The following TJP1 variants were observed in gnomAD, a reference collection of about 807,000 sequenced individuals.
The protein encoded by TJP1 is tight junction protein ZO-1.
TJP1 carries 43 observed loss-of-function variants against 194.2 expected under a neutral mutation model. The observed-to-expected ratio is 0.22, with a 90% CI of 0.17 to 0.29. TJP1 has a LOEUF of 0.29. Ranked by LOEUF, TJP1 falls within the 10% of genes least tolerant of loss-of-function variation. The pLI, the probability that TJP1 is intolerant of heterozygous loss-of-function variation, is 1.00. For synonymous variants in TJP1, 801 were observed against 779.0 expected (o/e 1.03, Z -0.47); for missense variants, 1,971 against 2,185.7 (o/e 0.90, Z 1.96).
At chr15:29,798,096 C>G (rs2048533197) in intron 2 of TJP1, among the ~76,000 whole-genome samples, 1 of 152,018 alleles carries the variant, frequency 6.6e-6, no homozygotes, top group Non-Finnish European at 1.5e-5. Flanking sequence ...GCCTCAGCCT[C>G]CAAGTAGCTG....
chr15:29,718,597 C>A lies in TJP1; in HGVS notation c.3545G>T (p.Gly1182Val). ...RPEAQPHPSA[G>V]PKPAESKQYF... ...CTGCTTGGACTCTGCAGGCTTGGGC[C>A]CTGCTGAAGGGTGGGGCTGGGCTTC... The change falls in exon 21 of 28, where the codon GGG becomes GTG. Residue 1182 changes from glycine (G) to valine (V), a missense_variant. Gly to Val is a moderately radical substitution (Grantham distance 109). Transcript: ENST00000614355. 6.2e-7 allele frequency: 1 copy of A among 1,614,100 alleles called. No homozygotes were observed. The highest frequency in any genetic ancestry group is 8.5e-7 in the Non-Finnish European group (1 of 1,180,028).
At chr15:29,749,742 G>GA (rs371997666) in intron 8 of TJP1, among the ~76,000 whole-genome samples, 50 of 152,308 alleles carry the variant, frequency 3.3e-4, no homozygotes, top group African/African-American at 1.1e-3. Context: ...CCCTTTCCAA[G>GA]AAGGCCAGAT....
intron 2 of TJP1, among the ~76,000 whole-genome samples, chr15:29,955,004 C>T (rs1437740142): frequency 6.6e-6 from 1 of 151,934 alleles, no homozygotes; most frequent in Non-Finnish European, 1.5e-5. Flanking sequence ...TGCTTGAACC[C>T]GGGAAGCAGA....
chr15:29,906,404 C>T (rs552904614), intron 2 of TJP1, among the ~76,000 whole-genome samples: 31 of 150,830 alleles, frequency 2.1e-4, no homozygotes, highest in African/African-American at 6.6e-4. Flanking sequence ...ACCCAGGAAG[C>T]GGAGGTTGAG....
At position 29,704,185 on chromosome 15, in the gene TJP1, A is replaced by G. The variant is rs2041742278; in HGVS notation, c.5189T>C (p.Leu1730Pro). The change falls in exon 27 of 28, where the codon CTA becomes CCA. Residue 1730 changes from leucine (L) to proline (P), a missense_variant. Leu to Pro is a moderately conservative substitution (Grantham distance 98). Coordinates refer to ENST00000614355, the MANE Select transcript of TJP1 (RefSeq NM_001330239.4). ...SMTPDGWSFA[L>P]KSSDSSSGDP... ...ACCCGACGAGGAGTCGGATGATTTT[A>G]GAGCAAAAGACCAACCGTCAGGAGT... The G allele has an allele frequency of 6.4e-7, 1 of 1,568,876 alleles. No individual in the cohort carries two copies. Among genetic ancestry groups the G allele is most frequent in the Non-Finnish European group, 8.7e-7 (1 of 1,155,740 alleles).
chr15:29,893,982 T>C (rs1567172958), intron 2 of TJP1, among the ~76,000 whole-genome samples: 1 of 152,208 alleles, frequency 6.6e-6, no homozygotes, highest in Non-Finnish European at 1.5e-5. Flanking sequence ...GATCAGATAC[T>C]AGGAAGCAAC....
Position 29,842,392 on chromosome 15 carries a change from C to T in TJP1, c.307-41690G>A, listed in dbSNP as rs533062644. Among the ~76,000 whole-genome samples, 7 of 152,112 alleles carry T rather than the reference C, an allele frequency of 4.6e-5. No homozygotes were observed. In the East Asian group the frequency reaches 7.8e-4, roughly 17 times the overall value. ...GAATAATTAATTGAGTCTGCCAGAT[C>T]GTGTCCCAACAGCTCAGGGTGCAAG... On this transcript the variant is annotated intron_variant, in intron 2 of 28. Coordinates refer to the TJP1 transcript ENST00000356107.
At position 29,718,315 on chromosome 15, in the gene TJP1, G is replaced by C; in HGVS notation, c.3827C>G (p.Ser1276Cys). ...ATCCTTCTTGGTCTCTAAGGATGCA[G>C]ATCTTTTGTTTTCAAACATCTTAAC... ...TRVKMFENKR[S>C]ASLETKKDVN... The change falls in exon 21 of 28, where the codon TCT (serine) becomes TGT (cysteine). Residue 1276 changes from serine to cysteine, a missense_variant. Transcript: ENST00000614355. The C allele has an allele frequency of 6.2e-7, 1 of 1,614,070 alleles. No homozygotes were observed. Among genetic ancestry groups the C allele is most frequent in the South Asian group, 1.1e-5 (1 of 91,062 alleles).
intron 1 of TJP1, among the ~76,000 whole-genome samples, chr15:29,962,816 T>C (rs2056205348): frequency 6.6e-6 from 1 of 152,216 alleles, no homozygotes; most frequent in Non-Finnish European, 1.5e-5. Context: ...GAAAAAATAA[T>C]GTGCACAACT....
chr15:29,920,548 C>G (rs1190282316), intron 2 of TJP1, among the ~76,000 whole-genome samples: 1 of 152,230 alleles, frequency 6.6e-6, no homozygotes, highest in Non-Finnish European at 1.5e-5. Context: ...CCAGAATATG[C>G]CGCCTCAGCC....
intron 2 of TJP1, among the ~76,000 whole-genome samples, chr15:29,923,593 A>C (rs2054433804): frequency 1.3e-5 from 2 of 152,232 alleles, no homozygotes; most frequent in South Asian, 4.1e-4. Flanking sequence ...TTTACATGGA[A>C]TATCCCAAAT....
At chr15:29,743,432 TA>T (rs771341303) in intron 8 of TJP1, among the ~76,000 whole-genome samples, 2 of 152,084 alleles carry the variant, frequency 1.3e-5, no homozygotes, top group African/African-American at 2.4e-5. Flanking sequence ...ATTTGGTACT[TA>T]AAAAAAGAAA....
At chr15:29,798,500 C>T (rs2048563511) in intron 2 of TJP1, among the ~76,000 whole-genome samples, 1 of 152,030 alleles carries the variant, frequency 6.6e-6, no homozygotes, top group African/African-American at 2.4e-5. Flanking sequence ...TTGAATTTTG[C>T]ATTTTAGATT....
chr15:29,904,795 T>C (rs2053753350), intron 2 of TJP1, among the ~76,000 whole-genome samples: 1 of 152,194 alleles, frequency 6.6e-6, no homozygotes, highest in African/African-American at 2.4e-5. Context: ...CAGATGGGAT[T>C]ACAGTAGACC....
rs1287648761 is a variant in TJP1, at chr15:29,718,938, G to A, written c.3204C>T (p.Asp1068=). The change falls in exon 21 of 28, where the codon GAC becomes GAT. Residue 1068 remains aspartate (D), a synonymous_variant. Coordinates refer to ENST00000614355, the MANE Select transcript of TJP1 (RefSeq NM_001330239.4). ...GATGTTCATAGTTTCGAGAAAACTGGTCCGTATAGCTTGAGGACTCGTATC... is the reference window on the plus strand; with the variant it reads ...GATGTTCATAGTTTCGAGAAAACTGATCCGTATAGCTTGAGGACTCGTATC... ...TYRYESSSYT[D]QFSRNYEHRL... 2 of 1,614,052 alleles carry A rather than the reference G, an allele frequency of 1.2e-6. No individual in the cohort carries two copies. Among genetic ancestry groups the A allele is most frequent in the Admixed American group, 1.7e-5 (1 of 60,000 alleles).
intron 2 of TJP1, among the ~76,000 whole-genome samples, chr15:29,905,319 G>A (rs1176328678): frequency 6.6e-6 from 1 of 152,094 alleles, no homozygotes; most frequent in African/African-American, 2.4e-5. Context: ...AGAAACATGT[G>A]CAAAGATTTT....
chr15:29,858,930 G>T (rs1365641938), intron 2 of TJP1, among the ~76,000 whole-genome samples: 1 of 151,764 alleles, frequency 6.6e-6, no homozygotes, highest in Non-Finnish European at 1.5e-5. Flanking sequence ...TGGGCTCAAG[G>T]CATCCTCCAG....
intron 2 of TJP1, among the ~76,000 whole-genome samples, chr15:29,862,124 C>T (rs2052103803): frequency 6.6e-6 from 1 of 152,070 alleles, no homozygotes; most frequent in Non-Finnish European, 1.5e-5. Flanking sequence ...GAATCCTAGT[C>T]CAACATCTTC....
At chr15:29,940,831 G>GC (rs1251258486) in intron 2 of TJP1, among the ~76,000 whole-genome samples, 4 of 152,012 alleles carry the variant, frequency 2.6e-5, no homozygotes. Flanking sequence ...TGGCCTGCTT[G>GC]CCACCCCACT....
Sources: gnomAD v4.1 joint callset for allele counts (sites outside exome capture counted in the v4.1 genomes callset) on GRCh38, gnomAD v4.1.1 for gene constraint, MANE v1.5 for transcripts, NCBI Gene and HGNC (gene_info 2026-07-23, HGNC 2026-07-21) for gene names.